The following CEP63 variants were observed in gnomAD, a reference collection of about 807,000 sequenced individuals.
CEP63 encodes centrosomal protein 63, also known as centrosomal protein of 63 kDa.
Under a neutral mutation model 89.1 loss-of-function variants are expected in CEP63, and 84 were observed. That is an observed-to-expected ratio of 0.94 (90% CI 0.79 to 1.13). The LOEUF (loss-of-function observed/expected upper bound fraction) is 1.13. CEP63 is among the 50% of genes most tolerant of loss of function. The pLI, the probability that CEP63 is intolerant of heterozygous loss-of-function variation, is 0.00. For missense variants in CEP63, 838 were observed against 813.3 expected, an observed-to-expected ratio of 1.03 and a Z score of -0.37; for synonymous variants, 267 against 272.5, an observed-to-expected ratio of 0.98 and a Z score of 0.20.
chr3:134,556,440 A>G (rs977367371), intron 12 of CEP63, among the ~76,000 whole-genome samples: 7 of 151,334 alleles, frequency 4.6e-5, no homozygotes, highest in Admixed American at 1.3e-4. Context: ...ACATTTTGTA[A>G]GGGGGAAAGT....
chr3:134,688,766 G>A, the CEP63 span, among the ~76,000 whole-genome samples: 347 of 152,308 alleles, frequency 2.3e-3, 2 homozygotes, highest in African/African-American at 7.2e-3. Context: ...CACCAGGATG[G>A]CAAGGCAAAT....
chr3:134,516,278 A>C (rs777770233), intron 3 of CEP63, among the ~76,000 whole-genome samples: 4 of 152,228 alleles, frequency 2.6e-5, no homozygotes, highest in Non-Finnish European at 5.9e-5. Context: ...TCAGTGCCTT[A>C]AAGAGCAGTG....
chr3:134,584,665 T>G (rs1958439590), intron 10 of CEP63, among the ~76,000 whole-genome samples: 1 of 152,184 alleles, frequency 6.6e-6, no homozygotes, highest in African/African-American at 2.4e-5. Context: ...TCTGCCAGGC[T>G]TTGGTATCAG....
chr3:134,744,956 C>T, the CEP63 span, among the ~76,000 whole-genome samples: 1 of 152,180 alleles, frequency 6.6e-6, no homozygotes, highest in Non-Finnish European at 1.5e-5. Context: ...CAATAAAATG[C>T]ATACTTTTAA....
chr3:134,649,166 A>G, the CEP63 span, among the ~76,000 whole-genome samples: 1 of 152,228 alleles, frequency 6.6e-6, no homozygotes, highest in African/African-American at 2.4e-5. Context: ...TCGGTGAGAA[A>G]CGGCCATCAG....
chr3:134,626,900 T>G, the CEP63 span, among the ~76,000 whole-genome samples: 27 of 152,350 alleles, frequency 1.8e-4, no homozygotes, highest in African/African-American at 6.5e-4. Context: ...CCTCTTGCTC[T>G]GCAGAATCTG....
chr3:134,678,818 C>A, the CEP63 span, among the ~76,000 whole-genome samples: 1 of 152,202 alleles, frequency 6.6e-6, no homozygotes, highest in Non-Finnish European at 1.5e-5. Flanking sequence ...TGCTCATGCA[C>A]CCCCTCCACT....
the CEP63 span, among the ~76,000 whole-genome samples, chr3:134,717,837 C>T: frequency 6.6e-6 from 1 of 152,174 alleles, no homozygotes; most frequent in South Asian, 2.1e-4. Context: ...TTTCACCGCA[C>T]CTTGCTGGGC....
chr3:134,656,092 C>T, the CEP63 span, among the ~76,000 whole-genome samples: 5 of 152,254 alleles, frequency 3.3e-5, no homozygotes, highest in African/African-American at 9.6e-5. Flanking sequence ...GCACAGATGA[C>T]GGCTTGTTCT....
the CEP63 span, among the ~76,000 whole-genome samples, chr3:134,731,386 T>C: frequency 6.6e-6 from 1 of 152,118 alleles, no homozygotes; most frequent in African/African-American, 2.4e-5. Flanking sequence ...TCCATACATT[T>C]CAAAGAATCA....
intron 6 of CEP63, among the ~76,000 whole-genome samples, chr3:134,538,531 G>A (rs1315993999): frequency 5.5e-4 from 55 of 99,672 alleles, no homozygotes; most frequent in African/African-American, 1.4e-3. Flanking sequence ...TTGTGTGTGT[G>A]TGTATATATA....
intron 2 of CEP63, among the ~76,000 whole-genome samples, chr3:134,498,780 G>T: frequency 6.6e-6 from 1 of 152,070 alleles, no homozygotes; most frequent in Non-Finnish European, 1.5e-5. Flanking sequence ...TTTATCAAGT[G>T]CTTTTTCTGT....
At chr3:134,666,115 A>G in the CEP63 span, among the ~76,000 whole-genome samples, 1 of 152,182 alleles carries the variant, frequency 6.6e-6, no homozygotes, top group Non-Finnish European at 1.5e-5. Context: ...GCTGGCTGGC[A>G]TCAAAGTGAG....
chr3:134,761,756 CT>C, the CEP63 span, among the ~76,000 whole-genome samples: 5 of 152,098 alleles, frequency 3.3e-5, no homozygotes, highest in South Asian at 2.1e-4. Flanking sequence ...TCTCTCCCCC[CT>C]GAATGTCAAT....
chr3:134,537,805 T>C (rs1188306480), intron 6 of CEP63, among the ~76,000 whole-genome samples: 2 of 152,176 alleles, frequency 1.3e-5, no homozygotes, highest in African/African-American at 4.8e-5. Flanking sequence ...GAGCTTCAGT[T>C]AGTCTGCCTA....
At chr3:134,575,190 C>T (rs1189170132), downstream of CEP63, among the ~76,000 whole-genome samples, 1 of 75,442 alleles carries the variant, frequency 1.3e-5, no homozygotes, top group Non-Finnish European at 2.5e-5. Context: ...CTCTCTCTCT[C>T]TTCCCTCTTT....
At chr3:134,713,214 C>A in the CEP63 span, among the ~76,000 whole-genome samples, 2 of 152,192 alleles carry the variant, frequency 1.3e-5, no homozygotes. Flanking sequence ...TTCTTTTTGG[C>A]TGAGTCCCAA....
downstream of CEP63, among the ~76,000 whole-genome samples, chr3:134,591,721 A>AC (rs71139545): frequency 0.31 from 47,344 of 150,306 alleles, 7,726 homozygotes; most frequent in African/African-American, 0.35. Context: ...CAACAAAAAA[A>AC]ACAAAAAAAA....
At chr3:134,691,784 A>G in the CEP63 span, among the ~76,000 whole-genome samples, 1 of 151,146 alleles carries the variant, frequency 6.6e-6, no homozygotes, top group Non-Finnish European at 1.5e-5. Flanking sequence ...CAGTGGTATG[A>G]TCTCGGCTCA....
Sources: allele counts gnomAD v4.1 joint callset (sites outside exome capture counted in the v4.1 genomes callset), GRCh38; gene constraint gnomAD v4.1.1; transcripts MANE v1.5; gene names NCBI Gene and HGNC (gene_info 2026-07-23, HGNC 2026-07-21).